IQSEC1: variants seen among roughly 807,000 people sequenced by gnomAD.
The protein encoded by IQSEC1 is IQ motif and SEC7 domain-containing protein 1.
Under a neutral mutation model 91.0 loss-of-function variants are expected in IQSEC1, and 31 were observed. The ratio of observed to expected loss-of-function variants is 0.34; its 90% confidence interval spans 0.26 to 0.46. The LOEUF is 0.46. Among genes scored for constraint, IQSEC1 ranks in the 20% least tolerant of loss-of-function variants. The pLI, the probability that IQSEC1 is intolerant of heterozygous loss-of-function variation, is 1.00. For synonymous variants in IQSEC1, 699 were observed against 662.6 expected, an observed-to-expected ratio of 1.05 and a Z score of -0.84; for missense variants, 1,388 against 1,575.6, an observed-to-expected ratio of 0.88 and a Z score of 2.02.
At chr3:13,029,689 T>C (rs930554037) in intron 1 of IQSEC1, among the ~76,000 whole-genome samples, 11 of 152,364 alleles carry the variant, frequency 7.2e-5, no homozygotes, top group Non-Finnish European at 1.5e-4. Context: ...AGCGTGAGTG[T>C]GTGTGCGCAC....
chr3:13,094,346 G>T (rs1705919268), intron 2 of IQSEC1, among the ~76,000 whole-genome samples: 1 of 152,280 alleles, frequency 6.6e-6, no homozygotes, highest in East Asian at 1.9e-4. Context: ...GGCAAGGCTT[G>T]CAGGGGCTGA....
Position 12,899,681 on chromosome 3 carries a change from G to A in IQSEC1, c.*1302C>T, listed in dbSNP as rs145943260. The A allele has an allele frequency of 6.3e-5, 62 of 985,408 alleles. No homozygotes were observed. The East Asian group carries it at 2.2e-3, about 34-fold the overall frequency. The allele number at this position is 985,408 out of a possible 1,614,324, so 61.0% of individuals were successfully genotyped here. A position where few individuals can be genotyped will look rare whatever the true frequency, so the allele number is the denominator to read the frequency against. ...CTAGCACATGGCTACATGGAATTAC[G>A]GTGATCACTGCTACCACTCAGAAAA... is the stretch of plus-strand genomic sequence containing the variant. On this transcript the variant is annotated 3_prime_UTR_variant, in exon 14 of 14. Transcript: ENST00000613206.
At chr3:12,907,095 G>A (rs1448142101) in intron 12 of IQSEC1, among the ~76,000 whole-genome samples, 1 of 152,168 alleles carries the variant, frequency 6.6e-6, no homozygotes, top group Admixed American at 6.5e-5. Context: ...AGCCCGGGAC[G>A]GTCCCCCAGC....
chr3:12,945,723 A>G (rs1207965581), intron 1 of IQSEC1, among the ~76,000 whole-genome samples: 2 of 152,200 alleles, frequency 1.3e-5, no homozygotes, highest in East Asian at 1.9e-4. Context: ...GATGGCCCCA[A>G]TCAGCAACTA....
At chr3:12,941,902 C>A in intron 1 of IQSEC1, 37 bp from the exon 2 acceptor site, 1 of 1,531,996 alleles carries the variant, frequency 6.5e-7, no homozygotes, top group Non-Finnish European at 8.8e-7. Flanking sequence ...TTCTGGTAAG[C>A]GGGAAATCTG....
chr3:13,177,164 T>C (rs1032223819), intron 1 of IQSEC1, among the ~76,000 whole-genome samples: 1 of 152,212 alleles, frequency 6.6e-6, no homozygotes, highest in Non-Finnish European at 1.5e-5. Context: ...TAGCAACCAC[T>C]GGATTACACA....
At chr3:12,995,072 C>T (rs577020791) in intron 1 of IQSEC1, 1 of 152,240 alleles carries the variant, frequency 6.6e-6, no homozygotes, top group Non-Finnish European at 1.5e-5. Context: ...GCCTCTCTCC[C>T]GCAGCCGGAA....
At chr3:13,146,525 T>C (rs1706900922) in intron 2 of IQSEC1, among the ~76,000 whole-genome samples, 1 of 152,340 alleles carries the variant, frequency 6.6e-6, no homozygotes, top group East Asian at 1.9e-4. Context: ...AGCCAAGGGC[T>C]GAGCCTGAGC....
At chr3:13,034,640 T>C (rs1703968477) in intron 1 of IQSEC1, among the ~76,000 whole-genome samples, 1 of 152,202 alleles carries the variant, frequency 6.6e-6, no homozygotes, top group Non-Finnish European at 1.5e-5. Flanking sequence ...TGACTCGCAC[T>C]AGGAGATCAG....
At position 12,935,303 on chromosome 3, in the gene IQSEC1, G is replaced by T; in HGVS notation, c.1568+145C>A. ...CAGCGCACAGGCTGGCACCGTCCTA[G>T]CCACCGACCTTGTGTGGCAGCTTCC... On this transcript the variant is annotated intron_variant, in intron 3 of 13. Transcript: ENST00000613206. This position sits in a 1 kb window ranked among gnomAD's most constrained non-coding sequence, Gnocchi z 8.0. The T allele has an allele frequency of 1.3e-6, 1 of 772,722 alleles. No homozygotes were observed. The highest frequency in any genetic ancestry group is 2.1e-6 in the Non-Finnish European group (1 of 485,404). The allele number at this position is 772,722 out of a possible 1,614,324, so 47.9% of individuals were successfully genotyped here.
At chr3:13,228,482 G>A (rs1389737541) in intron 1 of IQSEC1, among the ~76,000 whole-genome samples, 15 of 152,214 alleles carry the variant, frequency 9.9e-5, no homozygotes, top group Non-Finnish European at 1.8e-4. Context: ...CCAAATGCGT[G>A]GTGAATGGGA....
rs1695565798 is a variant in IQSEC1, at chr3:12,911,604, AGGCAGGCCCTGGG to A, written c.2416+12_2416+24del. ...CGTAAGCTGGGACATGCGCTCTTCC[AGGCAGGCCCTGGG>A]GGCAGACTTACACTGGTTCTCGAAG... is the stretch of plus-strand genomic sequence containing the variant. On this transcript the variant is annotated intron_variant, in intron 10 of 13. Transcript: ENST00000613206. 4.5e-6 allele frequency: 7 copies of A among 1,554,466 alleles called. No homozygotes were observed. The highest frequency in any genetic ancestry group is 6.2e-6 in the Non-Finnish European group (7 of 1,126,180).
In IQSEC1 at chr3:12,898,823, G is replaced by GT. The variant is rs1693909839; in HGVS notation, c.*2159dup. 1 of 153,488 alleles carries GT rather than the reference G, an allele frequency of 6.5e-6. No individual in the cohort carries two copies. The highest frequency in any genetic ancestry group is 2.4e-5 in the African/African-American group (1 of 41,376). 9.5% of individuals were successfully genotyped at this position (153,488 alleles called of 1,614,324 possible). ...AGCTGACGCCAGATGACATGCAGCA[G>GT]TTTAACGCTTCCAGGTCGGAACAGC... is the stretch of plus-strand genomic sequence containing the variant. On this transcript the variant is annotated 3_prime_UTR_variant, in exon 14 of 14. Transcript: ENST00000613206.
intron 2 of IQSEC1, among the ~76,000 whole-genome samples, chr3:13,115,586 TACGTTGTCTC>T (rs1454221530): frequency 2.6e-5 from 4 of 152,210 alleles, no homozygotes; most frequent in Admixed American, 6.5e-5. Context: ...GGAACAAGAA[TACGTTGTCTC>T]ACTGCAGAGT....
In IQSEC1 at chr3:13,159,980, C is replaced by A. The variant is rs116533805; in HGVS notation, c.302+4124G>T. 2.9e-3 allele frequency among the ~76,000 whole-genome samples: 443 copies of A among 152,298 alleles called. 6 individuals carry two copies. The highest frequency in any genetic ancestry group is 0.01 in the African/African-American group (426 of 41,560). ...GATTCACATTTGAGGGCCTCCAGAG[C>A]CTTCCTCTTAGTGGAGTCAAAAGCA... On this transcript the variant is annotated intron_variant, in intron 2 of 15. Coordinates refer to the IQSEC1 transcript ENST00000648114.
chr3:13,109,298 T>C (rs1706202753), intron 2 of IQSEC1, among the ~76,000 whole-genome samples: 1 of 152,194 alleles, frequency 6.6e-6, no homozygotes, highest in Non-Finnish European at 1.5e-5. Flanking sequence ...TTCTTCTTTT[T>C]CTTTCTTAAA....
chr3:13,048,824 C>A (rs1395414016), intron 1 of IQSEC1, among the ~76,000 whole-genome samples: 1 of 152,208 alleles, frequency 6.6e-6, no homozygotes, highest in East Asian at 1.9e-4. Flanking sequence ...CTCCCATCCA[C>A]AGCACAATGC....
At chr3:13,093,074 A>C (rs1393601722) in intron 2 of IQSEC1, among the ~76,000 whole-genome samples, 1 of 151,610 alleles carries the variant, frequency 6.6e-6, no homozygotes, top group Non-Finnish European at 1.5e-5. Context: ...ATTTTAGCCT[A>C]ACCCAGGTAA....
intron 8 of IQSEC1, 58 bp downstream of exon 8, chr3:12,915,046 G>A: frequency 6.4e-7 from 1 of 1,553,450 alleles, no homozygotes; most frequent in Non-Finnish European, 8.8e-7. Flanking sequence ...ACTGGCTGAT[G>A]CTGGGCCTCC....
Sources: allele counts gnomAD v4.1 joint callset (sites outside exome capture counted in the v4.1 genomes callset), GRCh38; gene constraint gnomAD v4.1.1; non-coding constraint Gnocchi (gnomAD v3.1); transcripts MANE v1.5; gene names NCBI Gene and HGNC (gene_info 2026-07-23, HGNC 2026-07-21).